The following CNTN6 variants were observed in gnomAD, a reference collection of about 807,000 sequenced individuals.
CNTN6 encodes contactin 6.
CNTN6 carries 137 observed loss-of-function variants against 122.8 expected under a neutral mutation model. The ratio of observed to expected loss-of-function variants is 1.12; its 90% CI spans 0.97 to 1.29. CNTN6 has a LOEUF of 1.29. Among genes scored for constraint, CNTN6 ranks in the 50% most tolerant of loss-of-function variants. The pLI is 0.00. For missense variants in CNTN6, 1,634 were observed against 1,223.4 expected, an observed-to-expected ratio of 1.34 and a Z score of -5.01; for synonymous variants, 570 against 426.0, an observed-to-expected ratio of 1.34 and a Z score of -4.16.
rs953947894 is a variant in CNTN6 at position 1,237,423 on chromosome 3, A to G, written c.358+9430A>G. ...CTACATTAAATACCCAAACCTAAGA[A>G]TAATTGGTGTTCCCGAGGAAGAAGA... On this transcript the variant is annotated intron_variant, in intron 4 of 22. Transcript: ENST00000446702. 2.0e-5 allele frequency among the ~76,000 whole-genome samples: 3 copies of G among 152,164 alleles called. No individual in the cohort carries two copies. In the East Asian group the frequency reaches 5.8e-4, roughly 29 times the overall value.
intron 5 of CNTN6, 85 bp downstream of exon 5, chr3:1,278,593 A>T: frequency 2.6e-6 from 2 of 781,218 alleles, no homozygotes; most frequent in East Asian, 5.1e-5. Context: ...CTCAGTGATC[A>T]CCTTTTATCA....
chr3:1,160,110 C>T (rs960112266), intron 2 of CNTN6, among the ~76,000 whole-genome samples: 13 of 152,090 alleles, frequency 8.5e-5, no homozygotes, highest in African/African-American at 2.7e-4. Flanking sequence ...TCAGCCACCA[C>T]GCCCGGCCAA....
chr3:1,179,991 G>A (rs761880121), intron 2 of CNTN6, among the ~76,000 whole-genome samples: 2 of 152,142 alleles, frequency 1.3e-5, no homozygotes, highest in Non-Finnish European at 2.9e-5. Flanking sequence ...TAGGTTTTAA[G>A]TTAGTTGGTA....
At chr3:1,146,544 T>C (rs1376346871) in intron 1 of CNTN6, among the ~76,000 whole-genome samples, 2 of 148,594 alleles carry the variant, frequency 1.3e-5, no homozygotes, top group Non-Finnish European at 3.0e-5. Context: ...TCATACATAT[T>C]ACATTTTTCT....
chr3:1,265,549 T>C (rs931250138), intron 4 of CNTN6, among the ~76,000 whole-genome samples: 7 of 152,208 alleles, frequency 4.6e-5, no homozygotes, highest in African/African-American at 9.6e-5. Context: ...TGTAACAAAA[T>C]GTTTGTAGAC....
chr3:1,352,531 C>T, intron 12 of CNTN6, 80 bp downstream of exon 12: 1 of 1,516,934 alleles, frequency 6.6e-7, no homozygotes, highest in Non-Finnish European at 9.1e-7. Context: ...GGTGTCAAAC[C>T]TGTACCATAT....
chr3:1,157,145 T>A (rs1050666781), intron 2 of CNTN6, among the ~76,000 whole-genome samples: 1 of 151,814 alleles, frequency 6.6e-6, no homozygotes, highest in Admixed American at 6.6e-5. Context: ...GGGTATCCAG[T>A]CCCTTAAGCA....
At position 1,402,461 on chromosome 3, in the gene CNTN6, G is replaced by A. The variant is rs1560054638; in HGVS notation, c.2961G>A (p.Glu987=). The change falls in exon 22 of 23, where the codon GAG becomes GAA. Residue 987 remains glutamate (E), a synonymous_variant. Transcript: ENST00000446702. ...ATGGTGGAGATGGAAGCAGCAGTGAGGAAATTAGGATTCCAAAAATGTCAA... is the reference window on the plus strand; with the variant it reads ...ATGGTGGAGATGGAAGCAGCAGTGAAGAAATTAGGATTCCAAAAATGTCAA... ...VSDGGDGSSS[E]EIRIPKMSSL... 6.2e-7 allele frequency: 1 copy of A among 1,609,366 alleles called. No homozygotes were observed. Among genetic ancestry groups the A allele is most frequent in the South Asian group, 1.1e-5 (1 of 90,682 alleles).
chr3:1,347,407 AG>A (rs1164165984), intron 11 of CNTN6, among the ~76,000 whole-genome samples: 3 of 152,196 alleles, frequency 2.0e-5, no homozygotes, highest in Non-Finnish European at 4.4e-5. Flanking sequence ...AGTGGATATT[AG>A]AGAATAAAGA....
chr3:1,388,256 T>G (rs1473401877), intron 20 of CNTN6, among the ~76,000 whole-genome samples: 1 of 149,176 alleles, frequency 6.7e-6, no homozygotes, highest in East Asian at 2.0e-4. Flanking sequence ...CCCTGACCCC[T>G]GACCCCCGAG....
rs143125410 is a variant in CNTN6, at chr3:1,153,730, C to A, written c.55+5667C>A. 9.0e-3 allele frequency among the ~76,000 whole-genome samples: 1,367 copies of A among 152,262 alleles called. 13 individuals carry two copies. Among genetic ancestry groups the A allele is most frequent in the South Asian group, 0.043 (207 of 4,824 alleles). ...CCTTTTATTGAATTGAGAGGCAGAG[C>A]AAACGAACTACCTGAGAGAGAAAAC... On this transcript the variant is annotated intron_variant, in intron 2 of 22. Coordinates refer to ENST00000446702, the MANE Select transcript of CNTN6 (RefSeq NM_001289080.2).
chr3:1,223,295 C>G (rs1298231589), intron 3 of CNTN6, among the ~76,000 whole-genome samples: 2 of 152,180 alleles, frequency 1.3e-5, no homozygotes, highest in East Asian at 1.9e-4. Flanking sequence ...TCATTTTTCT[C>G]TCCTGGCGTC....
At chr3:1,154,257 T>C (rs1482822458) in intron 2 of CNTN6, among the ~76,000 whole-genome samples, 1 of 152,086 alleles carries the variant, frequency 6.6e-6, no homozygotes, top group East Asian at 1.9e-4. Context: ...CTATAGGAAA[T>C]GTAGGCTCTT....
At position 1,385,661 on chromosome 3, in the gene CNTN6, A is replaced by AGTC; in HGVS notation, c.2569_2571dup (p.Val857dup). On this transcript the variant is annotated inframe_insertion, in exon 20 of 23. Coordinates refer to ENST00000446702, the MANE Select transcript of CNTN6 (RefSeq NM_001289080.2). ...AAGAATCCATGATAGGTAAAATTAG[A>AGTC]GTCAGTGGAAATGTCACAACCAAAA... 6.2e-7 allele frequency: 1 copy of AGTC among 1,614,076 alleles called. No individual in the cohort carries two copies. Among genetic ancestry groups the AGTC allele is most frequent in the Non-Finnish European group, 8.5e-7 (1 of 1,179,942 alleles).
In CNTN6 at chr3:1,383,130, A is replaced by G. The variant is rs767099699; in HGVS notation, c.2355A>G (p.Gly785=). 24 of 1,613,950 alleles carry G rather than the reference A, an allele frequency of 1.5e-5. No individual in the cohort carries two copies. The highest frequency in any genetic ancestry group is 1.9e-5 in the Non-Finnish European group (23 of 1,179,958). ...EVKVGVYNNE[G]EGSLSTVTIV... ...AAGTGGGTGTGTATAATAATGAAGG[A>G]GAAGGATCCCTGAGTACTGTGACCA... The change falls in exon 18 of 23, where the codon GGA becomes GGG. Residue 785 remains glycine, a synonymous_variant. Coordinates refer to ENST00000446702, the MANE Select transcript of CNTN6 (RefSeq NM_001289080.2).
intron 11 of CNTN6, among the ~76,000 whole-genome samples, chr3:1,339,518 G>T (rs1003861352): frequency 6.6e-6 from 1 of 152,144 alleles, no homozygotes; most frequent in Non-Finnish European, 1.5e-5. Context: ...ACTAACATGT[G>T]AAGAGAGTGA....
At chr3:1,134,588 A>G (rs2092424726) in intron 1 of CNTN6, among the ~76,000 whole-genome samples, 1 of 152,180 alleles carries the variant, frequency 6.6e-6, no homozygotes, top group Admixed American at 6.5e-5. Flanking sequence ...AGGGTCCAAA[A>G]TGTAAAATGA....
chr3:1,134,118 A>C (rs2092410227), intron 1 of CNTN6, among the ~76,000 whole-genome samples: 1 of 152,178 alleles, frequency 6.6e-6, no homozygotes, highest in Non-Finnish European at 1.5e-5. Flanking sequence ...TCTGGGTACA[A>C]GGCCCCGATC....
At chr3:1,167,071 G>T (rs1251460775) in intron 2 of CNTN6, among the ~76,000 whole-genome samples, 1 of 150,100 alleles carries the variant, frequency 6.7e-6, no homozygotes, top group African/African-American at 2.5e-5. Flanking sequence ...AGAAACAGTG[G>T]TTGTGAGAGA....
Sources: allele counts gnomAD v4.1 joint callset (sites outside exome capture counted in the v4.1 genomes callset), GRCh38; gene constraint gnomAD v4.1.1; transcripts MANE v1.5; gene names NCBI Gene and HGNC (gene_info 2026-07-23, HGNC 2026-07-21).